Variants in ZNF573 observed in about 807,000 individuals in gnomAD.
ZNF573 encodes zinc finger protein 573.
Under a neutral mutation model 57.4 loss-of-function variants are expected in ZNF573, and 41 were observed. That is an observed-to-expected ratio of 0.71 (90% CI 0.56 to 0.93). The LOEUF is 0.93. Among genes scored for constraint, ZNF573 ranks in the 40% least tolerant of loss-of-function variants. ZNF573 has a pLI of 0.00. For synonymous variants in ZNF573, 249 were observed against 261.0 expected, an observed-to-expected ratio of 0.95 and a Z score of 0.44; for missense variants, 730 against 794.8, an observed-to-expected ratio of 0.92 and a Z score of 0.98.
chr19:37,743,702 A>G (rs981465502), intron 4 of ZNF573, among the ~76,000 whole-genome samples: 1 of 152,222 alleles, frequency 6.6e-6, no homozygotes, highest in Non-Finnish European at 1.5e-5. Flanking sequence ...CGTTTACTGC[A>G]GCACTATTTA....
chr19:37,740,043 A>C lies in ZNF573; in HGVS notation c.447T>G (p.Leu149=), dbSNP rs762158099. ...CQKKFSSGYQ[L]ILHHRFHVIE... ...TGACATGAAACCTGTGATGTAGAAT[A>C]AGTTGATAACCACTACTAAATTTCT... The change falls in exon 5 of 5, where the codon CTT becomes CTG. Residue 149 remains leucine, a synonymous_variant. Coordinates refer to ENST00000536220, the MANE Select transcript of ZNF573 (RefSeq NM_001172690.2). 9 of 1,614,042 alleles carry C rather than the reference A, an allele frequency of 5.6e-6. No homozygotes were observed. The highest frequency in any genetic ancestry group is 5.3e-5 in the African/African-American group (4 of 74,930).
chr19:37,748,800 G>A (rs1400812738), intron 4 of ZNF573, among the ~76,000 whole-genome samples: 3 of 151,896 alleles, frequency 2.0e-5, no homozygotes, highest in Admixed American at 6.6e-5. Flanking sequence ...GGTGGCGGGC[G>A]CCTGTAGTCC....
chr19:37,761,070 A>AGCCTGTAATCCCAGCTACAGC (rs1046981191), intron 4 of ZNF573, among the ~76,000 whole-genome samples: 2 of 151,916 alleles, frequency 1.3e-5, no homozygotes, highest in African/African-American at 4.8e-5. Flanking sequence ...TGGTGGCACA[A>AGCCTGTAATCCCAGCTACAGC]GCCTGTAATC....
chr19:37,744,420 G>A (rs1003154825), intron 4 of ZNF573, among the ~76,000 whole-genome samples: 11 of 152,148 alleles, frequency 7.2e-5, no homozygotes, highest in Non-Finnish European at 1.2e-4. Flanking sequence ...AAAAAAAGAG[G>A]AGTCATCAGC....
intron 1 of ZNF573, among the ~76,000 whole-genome samples, chr19:37,776,946 C>T (rs1191679575): frequency 1.3e-5 from 2 of 152,150 alleles, no homozygotes; most frequent in East Asian, 3.8e-4. Flanking sequence ...TACCAATTTG[C>T]TCCCTAAGAA....
At chr19:37,758,258 TATATATAA>T (rs2045515140) in intron 4 of ZNF573, among the ~76,000 whole-genome samples, 1 of 94,390 alleles carries the variant, frequency 1.1e-5, no homozygotes, top group African/African-American at 4.3e-5. Flanking sequence ...TATATATATA[TATATATAA>T]AATTACCCAG....
rs112078172 is a variant in ZNF573, at chr19:37,776,433, G to A, written c.-22-2682C>T. Among the ~76,000 whole-genome samples the A allele has an allele frequency of 6.0e-3, 910 of 152,300 alleles. 10 individuals carry two copies. The highest frequency in any genetic ancestry group is 0.021 in the African/African-American group (860 of 41,570). ...TACTGGGATAATTGGCAAGCCACGT[G>A]TAGAAGAATGAAACTGGAGCTTCAT... On this transcript the variant is annotated intron_variant, in intron 1 of 4. Coordinates refer to ENST00000536220, the MANE Select transcript of ZNF573 (RefSeq NM_001172690.2).
rs117141874 is a variant in ZNF573, at chr19:37,738,445, G to A, written c.*47C>T. Reference sequence around the variant, plus strand: ...ACTAACATTCCATCATTTCTCACCAGTGTGGGCTGTCTGATGATGAATGGC... The same window carrying A: ...ACTAACATTCCATCATTTCTCACCAATGTGGGCTGTCTGATGATGAATGGC... On this transcript the variant is annotated 3_prime_UTR_variant, in exon 5 of 5. Transcript: ENST00000536220. 2.0e-5 allele frequency: 30 copies of A among 1,490,122 alleles called. No homozygotes were observed. Among genetic ancestry groups the A allele is most frequent in the Non-Finnish European group, 2.6e-5 (29 of 1,120,352 alleles). 92.3% of individuals were successfully genotyped at this position (1,490,122 alleles called of 1,614,324 possible). A position where few individuals can be genotyped will look rare whatever the true frequency, so the allele number is the denominator to read the frequency against.
intron 4 of ZNF573, among the ~76,000 whole-genome samples, chr19:37,756,894 A>C (rs959897035): frequency 6.6e-6 from 1 of 152,052 alleles, no homozygotes; most frequent in Non-Finnish European, 1.5e-5. Flanking sequence ...CGAATGAGCC[A>C]ACAAATTATC....
chr19:37,767,395 A>AT (rs1320537560), intron 4 of ZNF573, among the ~76,000 whole-genome samples: 4 of 151,544 alleles, frequency 2.6e-5, no homozygotes, highest in Admixed American at 2.6e-4. Flanking sequence ...CGCCCACCTA[A>AT]TTTTTTGTAT....
At chr19:37,778,582 C>T (rs915440494) in intron 1 of ZNF573, 2 of 151,842 alleles carry the variant, frequency 1.3e-5, no homozygotes, top group Non-Finnish European at 2.9e-5. Context: ...TTAGGACATT[C>T]AGACACATTT....
Position 37,739,076 on chromosome 19 carries a change from A to T in ZNF573, c.1414T>A (p.Cys472Ser). 6.2e-7 allele frequency: 1 copy of T among 1,613,056 alleles called. No homozygotes were observed. Residue 472 changes from cysteine to serine, a missense_variant, in exon 5 of 5, where the codon TGT (cysteine) becomes AGT (serine). Cys to Ser is a moderately radical substitution (Grantham distance 112). Transcript: ENST00000536220. The stretch of plus-strand genomic sequence containing the variant: ...CTATAGGCCTTCCCACATTCCTGAC[A>T]TTCAAAAAGTTTCTTACCAGTGTGA... ...NIHTGKKLFE[C>S]QECGKAYSTG...
chr19:37,765,603 G>A (rs1027799555), intron 4 of ZNF573, among the ~76,000 whole-genome samples: 4 of 152,124 alleles, frequency 2.6e-5, no homozygotes, highest in African/African-American at 9.7e-5. Flanking sequence ...CCAGCTACTC[G>A]GGAGGCTGAA....
chr19:37,763,461 A>G (rs1282916947), intron 4 of ZNF573, among the ~76,000 whole-genome samples: 1 of 151,922 alleles, frequency 6.6e-6, no homozygotes, highest in Non-Finnish European at 1.5e-5. Flanking sequence ...GCTACTTGGG[A>G]GGCTGAGGCA....
At chr19:37,777,390 A>T (rs2045719174) in intron 1 of ZNF573, among the ~76,000 whole-genome samples, 1 of 152,192 alleles carries the variant, frequency 6.6e-6, no homozygotes, top group Non-Finnish European at 1.5e-5. Context: ...AACAGCCTAA[A>T]TGCCCATCAA....
intron 4 of ZNF573, among the ~76,000 whole-genome samples, chr19:37,769,686 A>G (rs1183879866): frequency 1.4e-5 from 2 of 147,940 alleles, no homozygotes; most frequent in Non-Finnish European, 3.0e-5. Context: ...AGATCAAGCC[A>G]CTGCACTCTG....
intron 4 of ZNF573, among the ~76,000 whole-genome samples, chr19:37,760,683 A>G (rs1382170520): frequency 2.0e-5 from 3 of 151,942 alleles, no homozygotes; most frequent in Non-Finnish European, 4.4e-5. Flanking sequence ...TTAGCCAGGC[A>G]TGGTGGTGCA....
chr19:37,747,976 G>A (rs1451007620), intron 4 of ZNF573, among the ~76,000 whole-genome samples: 6 of 152,110 alleles, frequency 3.9e-5, no homozygotes, highest in African/African-American at 7.2e-5. Context: ...ATGAGCCACC[G>A]CGCCCGGCTG....
chr19:37,775,155 T>C (rs1037697231), intron 1 of ZNF573, among the ~76,000 whole-genome samples: 9 of 151,998 alleles, frequency 5.9e-5, no homozygotes, highest in African/African-American at 2.2e-4. Flanking sequence ...TGGCTGGGAC[T>C]AAAGGTGTGC....
Sources: allele counts gnomAD v4.1 joint callset (sites outside exome capture counted in the v4.1 genomes callset), GRCh38; gene constraint gnomAD v4.1.1; transcripts MANE v1.5; gene names NCBI Gene and HGNC (gene_info 2026-07-23, HGNC 2026-07-21).